Variants in AFAP1 observed in about 807,000 individuals in gnomAD.
AFAP1 encodes the protein actin filament associated protein 1.
Under a neutral mutation model 93.9 loss-of-function variants are expected in AFAP1, and 75 were observed. The ratio of observed to expected loss-of-function variants is 0.80; its 90% CI spans 0.66 to 0.97. AFAP1 has a LOEUF of 0.97. Ranked by LOEUF, AFAP1 falls within the 50% of genes least tolerant of loss-of-function variation. The probability of loss-of-function intolerance (pLI) is 0.00; values close to 1 mark genes in which losing one functional copy is unlikely to be tolerated. For synonymous variants in AFAP1, 517 were observed against 430.7 expected (o/e 1.20, Z -2.48); for missense variants, 1,201 against 1,050.8 (o/e 1.14, Z -1.98).
At chr4:7,908,297 C>T (rs893966819) in intron 1 of AFAP1, among the ~76,000 whole-genome samples, 2 of 152,200 alleles carry the variant, frequency 1.3e-5, no homozygotes, top group African/African-American at 4.8e-5. Context: ...TCCAAGGGCA[C>T]ACAGGGTGCC....
intron 12 of AFAP1, among the ~76,000 whole-genome samples, chr4:7,782,926 A>C (rs1040526118): frequency 1.3e-5 from 2 of 152,228 alleles, no homozygotes; most frequent in Admixed American, 6.5e-5. Context: ...CAGAGTTATT[A>C]AAACGGTCTA....
At chr4:7,934,913 T>G (rs1189576405) in intron 1 of AFAP1, among the ~76,000 whole-genome samples, 3 of 152,218 alleles carry the variant, frequency 2.0e-5, no homozygotes, top group African/African-American at 7.2e-5. Flanking sequence ...TGTAAATAAT[T>G]GAAGAGATTG....
chr4:7,766,110 A>G (rs947746934), intron 17 of AFAP1, among the ~76,000 whole-genome samples: 1 of 152,226 alleles, frequency 6.6e-6, no homozygotes, highest in Middle Eastern at 3.2e-3. Context: ...TCACAGCACT[A>G]GCAAATCTGG....
rs199825097 is a variant in AFAP1, at chr4:7,772,790, G to C, written c.2253+30C>G. ...CCCTCGGCCACGCAAGGCCGCGCCA[G>C]CCTCCGAGGTGAGCCAGAAGGACAC... On this transcript the variant is annotated intron_variant, in intron 16 of 17. Transcript: ENST00000420658. 4.3e-5 allele frequency: 69 copies of C among 1,602,856 alleles called. No homozygotes were observed. The African/African-American group carries it at 8.2e-4, about 19-fold the overall frequency.
chr4:7,847,301 G>A (rs370062885), intron 4 of AFAP1, among the ~76,000 whole-genome samples: 7 of 151,132 alleles, frequency 4.6e-5, no homozygotes, highest in East Asian at 3.9e-4. Context: ...AGAACTCTCC[G>A]GAAAGTATGC....
chr4:7,867,107 A>AGGG (rs1716500231), intron 3 of AFAP1, among the ~76,000 whole-genome samples: 2 of 39,788 alleles, frequency 5.0e-5, no homozygotes, highest in African/African-American at 9.6e-5. Context: ...AGAGGGGAGT[A>AGGG]GAGGGGAGGG....
At chr4:7,877,773 G>A (rs1717599129) in intron 1 of AFAP1, among the ~76,000 whole-genome samples, 1 of 152,176 alleles carries the variant, frequency 6.6e-6, no homozygotes, top group South Asian at 2.1e-4. Context: ...TTTAAAAAGA[G>A]CAATAGTGTG....
chr4:7,787,236 G>A lies in AFAP1; in HGVS notation c.1413-925C>T, dbSNP rs545283830. On this transcript the variant is annotated intron_variant, in intron 11 of 17. Transcript: ENST00000420658. ...GGACTGTGTGTATGCGGCGGTGCCG[G>A]GAGCGTGGTGCGCCCAGCGAGGGCA... Among the ~76,000 whole-genome samples the A allele has an allele frequency of 8.8e-4, 134 of 152,358 alleles. 1 individual carries two copies. Among genetic ancestry groups the A allele is most frequent in the African/African-American group, 3.2e-3 (133 of 41,580 alleles).
chr4:7,876,571 C>T (rs993987067), intron 1 of AFAP1, among the ~76,000 whole-genome samples: 3 of 152,186 alleles, frequency 2.0e-5, no homozygotes, highest in African/African-American at 7.2e-5. Flanking sequence ...ACAGAGGTGA[C>T]ACCCTCAGAA....
At chr4:7,818,294 G>T (rs991607360) in intron 7 of AFAP1, among the ~76,000 whole-genome samples, 5 of 152,156 alleles carry the variant, frequency 3.3e-5, no homozygotes, top group Admixed American at 6.5e-5. Flanking sequence ...AGACTTGCAG[G>T]CTCCATAATC....
rs1312524500 is a variant in AFAP1 at position 7,888,106 on chromosome 4, C to T, written c.-2-16026G>A. 2.0e-5 allele frequency among the ~76,000 whole-genome samples: 3 copies of T among 152,246 alleles called. No individual in the cohort carries two copies. The East Asian group carries it at 5.8e-4, about 29-fold the overall frequency. On this transcript the variant is annotated intron_variant, in intron 1 of 17. Coordinates refer to ENST00000420658, the MANE Select transcript of AFAP1 (RefSeq NM_001134647.2). ...CCTCACAAAGTGCTGGGATTACAGGCGTGAGCCACCACGCCCAGCCCCATA... is the reference window on the plus strand; with the variant it reads ...CCTCACAAAGTGCTGGGATTACAGGTGTGAGCCACCACGCCCAGCCCCATA...
chr4:7,908,151 G>A (rs1002341972), intron 1 of AFAP1, among the ~76,000 whole-genome samples: 6 of 151,872 alleles, frequency 4.0e-5, no homozygotes, highest in East Asian at 3.9e-4. Flanking sequence ...GGAGCACGTT[G>A]CAGTAAGCCG....
At chr4:7,787,824 G>A (rs1717450546) in intron 11 of AFAP1, among the ~76,000 whole-genome samples, 1 of 152,242 alleles carries the variant, frequency 6.6e-6, no homozygotes, top group African/African-American at 2.4e-5. Context: ...CCGTCCCTGC[G>A]CTGTGGCTTC....
At position 7,835,330 on chromosome 4, in the gene AFAP1, G is replaced by A. The variant is rs1157535215; in HGVS notation, c.726+3194C>T. ...CCTGGGTGGCTCTTGAATGGACTGC[G>A]GGCGGCCTCAAGGTTACCTGGGTGG... On this transcript the variant is annotated intron_variant, in intron 6 of 17. Coordinates refer to ENST00000420658, the MANE Select transcript of AFAP1 (RefSeq NM_001134647.2). 1.4e-4 allele frequency among the ~76,000 whole-genome samples: 9 copies of A among 64,340 alleles called. No individual in the cohort carries two copies. The South Asian group carries it at 4.7e-3, about 34-fold the overall frequency. 42.2% of individuals were successfully genotyped at this position (64,340 alleles called of 152,430 possible).
At chr4:7,901,490 C>T (rs1425003071) in intron 1 of AFAP1, among the ~76,000 whole-genome samples, 3 of 152,230 alleles carry the variant, frequency 2.0e-5, no homozygotes, top group Non-Finnish European at 2.9e-5. Flanking sequence ...GACCGGTCTC[C>T]GTGGGGACAG....
At chr4:7,921,377 G>T (rs531612502) in intron 1 of AFAP1, among the ~76,000 whole-genome samples, 2 of 151,882 alleles carry the variant, frequency 1.3e-5, no homozygotes, top group Admixed American at 6.6e-5. Flanking sequence ...AGAGACAGGG[G>T]TTTCACCACG....
chr4:7,810,009 T>C (rs1420845576), intron 8 of AFAP1, among the ~76,000 whole-genome samples: 1 of 152,110 alleles, frequency 6.6e-6, no homozygotes, highest in Non-Finnish European at 1.5e-5. Context: ...CAGGTGCGTG[T>C]CACTACGTAG....
At chr4:7,764,095 A>C (rs550240625) in intron 17 of AFAP1, among the ~76,000 whole-genome samples, 1 of 152,372 alleles carries the variant, frequency 6.6e-6, no homozygotes, top group South Asian at 2.1e-4. Flanking sequence ...AGTACAGACA[A>C]CACCACGTAT....
intron 1 of AFAP1, among the ~76,000 whole-genome samples, chr4:7,926,798 G>A (rs925746617): frequency 2.6e-5 from 4 of 152,046 alleles, no homozygotes; most frequent in East Asian, 3.9e-4. Flanking sequence ...GTGCAGCAGC[G>A]CACTATTAGC....
Sources: allele counts gnomAD v4.1 joint callset (sites outside exome capture counted in the v4.1 genomes callset), GRCh38; gene constraint gnomAD v4.1.1; transcripts MANE v1.5; gene names NCBI Gene and HGNC (gene_info 2026-07-23, HGNC 2026-07-21).